Variants in ZNF226 observed in about 807,000 individuals in gnomAD.
ZNF226 encodes Kruppel-associated box protein.
In ZNF226, 6 loss-of-function variants were observed where a neutral mutation model predicts 11.4. That is an observed-to-expected ratio of 0.53 (90% confidence interval 0.29 to 1.04). The LOEUF is 1.04. Ranked by LOEUF, ZNF226 falls within the 50% of genes least tolerant of loss-of-function variation. ZNF226 has a pLI of 0.08. For synonymous variants in ZNF226, 350 were observed against 322.8 expected (o/e 1.08, Z -0.90); for missense variants, 1,058 against 956.5 (o/e 1.11, Z -1.40).
chr19:44,175,594 T>C lies in ZNF226; in HGVS notation c.332T>C (p.Leu111Ser). Residue 111 changes from leucine to serine, a missense_variant, in exon 6 of 6, where the codon TTA becomes TCA. Coordinates refer to ENST00000337433, the MANE Select transcript of ZNF226 (RefSeq NM_001032373.2). The stretch of plus-strand genomic sequence containing the variant: ...ATCTGGCAACAAATTGCAAATGACT[T>C]AACCAGGTGTCAAGACTCCATGATC... ...WQIWQQIAND[L>S]TRCQDSMINN... 1 of 1,613,608 alleles carries C rather than the reference T, an allele frequency of 6.2e-7. No individual in the cohort carries two copies. Among genetic ancestry groups the C allele is most frequent in the South Asian group, 1.1e-5 (1 of 90,948 alleles).
the ZNF226 span, among the ~76,000 whole-genome samples, chr19:44,183,618 A>G: frequency 6.6e-6 from 1 of 152,226 alleles, no homozygotes; most frequent in African/African-American, 2.4e-5. Context: ...CAGATGTTGC[A>G]GCCAGATCAC....
intron 2 of ZNF226, among the ~76,000 whole-genome samples, chr19:44,166,122 A>G (rs188143189): frequency 6.6e-6 from 1 of 152,228 alleles, no homozygotes; most frequent in African/African-American, 2.4e-5. Context: ...TGCATGAGCC[A>G]TAGGCAGCTG....
chr19:44,180,923 A>G (rs1970897765), downstream of ZNF226, among the ~76,000 whole-genome samples: 1 of 152,102 alleles, frequency 6.6e-6, no homozygotes, highest in African/African-American at 2.4e-5. Flanking sequence ...GGGAGCACCT[A>G]TCTTTTCTTT....
At chr19:44,180,798 G>A (rs148062333), downstream of ZNF226, among the ~76,000 whole-genome samples, 11 of 152,216 alleles carry the variant, frequency 7.2e-5, no homozygotes, top group East Asian at 2.1e-3. Flanking sequence ...AAGACCCCAG[G>A]TAGAGCAGGA....
the ZNF226 span, among the ~76,000 whole-genome samples, chr19:44,185,570 A>T: frequency 6.6e-6 from 1 of 151,980 alleles, no homozygotes; most frequent in Non-Finnish European, 1.5e-5. Context: ...GTGTTTAAGA[A>T]CTTTGCCCAT....
chr19:44,171,509 T>C lies in ZNF226; in HGVS notation c.16-579T>C, dbSNP rs760549859. Among the ~76,000 whole-genome samples, 72 of 152,222 alleles carry C rather than the reference T, an allele frequency of 4.7e-4. 1 individual carries two copies. Among genetic ancestry groups the C allele is most frequent in the Non-Finnish European group, 4.0e-4 (27 of 68,030 alleles). ...TTGCCAAGCACTTACACTCTGCCCC[T>C]GTATTGAGACCTCACAGCAACTATG... On this transcript the variant is annotated intron_variant, in intron 3 of 5. Transcript: ENST00000337433.
the ZNF226 span, among the ~76,000 whole-genome samples, chr19:44,193,788 C>T: frequency 1.3e-5 from 2 of 152,176 alleles, no homozygotes; most frequent in Admixed American, 6.5e-5. Flanking sequence ...AGGAAACAAG[C>T]TTAGAGAGTT....
chr19:44,171,974 C>A, intron 3 of ZNF226, 114 bp from the exon 4 acceptor site: 1 of 1,417,448 alleles, frequency 7.1e-7, no homozygotes, highest in Non-Finnish European at 9.8e-7. Flanking sequence ...AGGAGAAGGG[C>A]TGGGAAATCT....
At chr19:44,180,643 C>G (rs920631815), downstream of ZNF226, among the ~76,000 whole-genome samples, 1 of 152,156 alleles carries the variant, frequency 6.6e-6, no homozygotes, top group African/African-American at 2.4e-5. Context: ...ATTATCTATG[C>G]TTTCTTGCTG....
downstream of ZNF226, among the ~76,000 whole-genome samples, chr19:44,178,949 G>A (rs1223873208): frequency 6.6e-6 from 1 of 152,186 alleles, no homozygotes. Flanking sequence ...GGAGGCCGAG[G>A]TGGGTGGATC....
Position 44,176,994 on chromosome 19 carries a change from C to T in ZNF226, c.1732C>T (p.Gln578Ter), listed in dbSNP as rs1278569721. The change falls in exon 6 of 6, where the codon CAG (glutamine) becomes TAG (stop). Residue 578 changes from glutamine to a stop codon, truncating the protein, a stop_gained. Coordinates refer to ENST00000337433, the MANE Select transcript of ZNF226 (RefSeq NM_001032373.2). LOFTEE classifies it low-confidence loss of function (END_TRUNC). ...FNQSSRLQIH[Q>*]LIHTGEKPYK... ...TCAGAGCTCACGACTTCAGATTCAC[C>T]AGCTGATCCATACGGGTGAGAAACC... 1.2e-6 allele frequency: 2 copies of T among 1,613,992 alleles called. No homozygotes were observed. Among genetic ancestry groups the T allele is most frequent in the Non-Finnish European group, 1.7e-6 (2 of 1,179,918 alleles).
chr19:44,168,093 A>T (rs572084584), intron 2 of ZNF226, among the ~76,000 whole-genome samples: 1 of 152,326 alleles, frequency 6.6e-6, no homozygotes, highest in East Asian at 1.9e-4. Flanking sequence ...GGCTATTTTT[A>T]TCAATGTAGG....
intron 3 of ZNF226, among the ~76,000 whole-genome samples, chr19:44,171,736 C>T (rs373619801): frequency 3.3e-5 from 5 of 152,246 alleles, no homozygotes; most frequent in East Asian, 3.9e-4. Context: ...CCACATATAA[C>T]GCTGCTCACT....
the ZNF226 span, among the ~76,000 whole-genome samples, chr19:44,197,607 T>C: frequency 6.6e-6 from 1 of 152,220 alleles, no homozygotes; most frequent in African/African-American, 2.4e-5. Flanking sequence ...TTTATACTGC[T>C]GTAATGACTA....
chr19:44,176,575 A>G lies in ZNF226; in HGVS notation c.1313A>G (p.Gln438Arg), dbSNP rs746483386. The G allele has an allele frequency of 1.9e-6, 3 of 1,614,142 alleles. No individual in the cohort carries two copies. Among genetic ancestry groups the G allele is most frequent in the East Asian group, 2.2e-5 (1 of 44,862 alleles). The change falls in exon 6 of 6, where the codon CAG becomes CGG. Residue 438 changes from glutamine to arginine, a missense_variant. Coordinates refer to ENST00000337433, the MANE Select transcript of ZNF226 (RefSeq NM_001032373.2). Reference sequence around the variant, plus strand: ...TGTAGCTCAAATCTTTACATTCATCAGAGAGTCCACACAGGAGAAAAACCC... The same window carrying G: ...TGTAGCTCAAATCTTTACATTCATCGGAGAGTCCACACAGGAGAAAAACCC... ...FICSSNLYIH[Q>R]RVHTGEKPYK...
chr19:44,191,565 C>T, the ZNF226 span, among the ~76,000 whole-genome samples: 1 of 152,040 alleles, frequency 6.6e-6, no homozygotes, highest in Non-Finnish European at 1.5e-5. Flanking sequence ...TCTCCAGGGG[C>T]CCAACTGGAA....
intron 5 of ZNF226, 55 bp downstream of exon 5, chr19:44,173,007 C>A: frequency 6.7e-7 from 1 of 1,497,980 alleles, no homozygotes; most frequent in Non-Finnish European, 9.1e-7. Context: ...TGCTTTGCTT[C>A]TTCTTAGCCT....
chr19:44,172,245 G>T (rs1257359580), intron 4 of ZNF226, 31 bp downstream of exon 4: 3 of 1,599,666 alleles, frequency 1.9e-6, no homozygotes, highest in Admixed American at 1.7e-5. Flanking sequence ...GAATATCTTT[G>T]TGCCCTTGGA....
chr19:44,173,179 T>C, intron 5 of ZNF226: 2 of 559,482 alleles, frequency 3.6e-6, no homozygotes, highest in South Asian at 2.6e-5. Context: ...GTTCTTCTGC[T>C]CAAAATTCTC....
Sources: gnomAD v4.1 joint callset for allele counts (sites outside exome capture counted in the v4.1 genomes callset) on GRCh38, gnomAD v4.1.1 for gene constraint, MANE v1.5 for transcripts, NCBI Gene and HGNC (gene_info 2026-07-23, HGNC 2026-07-21) for gene names.